Variants in SLX9 observed in about 807,000 individuals in gnomAD.
The protein encoded by SLX9 is SLX9 ribosome biogenesis factor, also known as ribosome biogenesis protein SLX9 homolog.
In SLX9, 19 loss-of-function variants were observed where a neutral mutation model predicts 20.8. The ratio of observed to expected loss-of-function variants is 0.91; its 90% CI spans 0.64 to 1.34. The LOEUF (loss-of-function observed/expected upper bound fraction) is 1.34, where lower values mean the gene tolerates loss of function less well. SLX9 is among the 40% of genes most tolerant of loss of function. The pLI is 0.00. For missense variants in SLX9, 299 were observed against 322.2 expected, an observed-to-expected ratio of 0.93 and a Z score of 0.55; for synonymous variants, 113 against 137.1, an observed-to-expected ratio of 0.82 and a Z score of 1.23.
intron 2 of SLX9, among the ~76,000 whole-genome samples, chr21:44,948,423 G>A (rs576162991): frequency 3.1e-4 from 47 of 152,018 alleles, no homozygotes; most frequent in African/African-American, 1.1e-3. Context: ...GGAGCACCGG[G>A]CGTCTGGGGA....
At chr21:44,971,873 A>C (rs2085156750) in intron 4 of SLX9, among the ~76,000 whole-genome samples, 1 of 152,174 alleles carries the variant, frequency 6.6e-6, no homozygotes. Flanking sequence ...AGATGTCGTC[A>C]GCCCCGGCAG....
At position 44,967,222 on chromosome 21, in the gene SLX9, C is replaced by G. The variant is rs1441748115; in HGVS notation, c.500+41C>G. The G allele has an allele frequency of 3.3e-6, 5 of 1,532,644 alleles. No homozygotes were observed. The Admixed American group carries it at 1.0e-4, about 32-fold the overall frequency. The allele number at this position is 1,532,644 out of a possible 1,614,324, so 94.9% of individuals were successfully genotyped here. A position where few individuals can be genotyped will look rare whatever the true frequency, so the allele number is the denominator to read the frequency against. ...GGGTGGCCCTTTCCGAGCTGTGGGG[C>G]TGACCCGGGTCCAGAGGTGGAGGGA... On this transcript the variant is annotated intron_variant, in intron 4 of 5. Coordinates refer to ENST00000291634, the MANE Select transcript of SLX9 (RefSeq NM_058190.4).
intron 4 of SLX9, among the ~76,000 whole-genome samples, chr21:44,972,591 G>A (rs991778414): frequency 2.0e-5 from 3 of 152,210 alleles, no homozygotes; most frequent in Non-Finnish European, 2.9e-5. Flanking sequence ...CAGGATCTAC[G>A]GTGGGTCCAC....
chr21:44,950,595 A>C (rs2084738631), intron 2 of SLX9, among the ~76,000 whole-genome samples: 1 of 152,194 alleles, frequency 6.6e-6, no homozygotes, highest in Non-Finnish European at 1.5e-5. Flanking sequence ...TGTTGTTGAG[A>C]CGCTAGACCA....
chr21:44,959,410 GTGCCCTCTCCACC>G (rs1359303802), intron 2 of SLX9, among the ~76,000 whole-genome samples: 1 of 152,174 alleles, frequency 6.6e-6, no homozygotes. Context: ...GCAGCACCCA[GTGCCCTCTCCACC>G]TGTCCCCACC....
At chr21:44,971,080 A>G (rs796718875) in intron 4 of SLX9, among the ~76,000 whole-genome samples, 3 of 32,446 alleles carry the variant, frequency 9.2e-5, no homozygotes, top group African/African-American at 2.1e-4. Flanking sequence ...CTGGACCTCC[A>G]CCTCCTGTGT....
At chr21:44,951,676 C>T (rs1050580542) in intron 2 of SLX9, among the ~76,000 whole-genome samples, 33 of 152,160 alleles carry the variant, frequency 2.2e-4, no homozygotes, top group Non-Finnish European at 3.5e-4. Context: ...CGGAGCCGCC[C>T]GAGCGCGCTG....
intron 3 of SLX9, among the ~76,000 whole-genome samples, chr21:44,961,400 G>A (rs1335309436): frequency 1.3e-5 from 2 of 152,170 alleles, no homozygotes; most frequent in Non-Finnish European, 2.9e-5. Context: ...GCAATATAGC[G>A]AGACCTTGTC....
chr21:44,965,175 G>A (rs534114844), intron 3 of SLX9, among the ~76,000 whole-genome samples: 6 of 152,318 alleles, frequency 3.9e-5, no homozygotes, highest in South Asian at 2.1e-4. Flanking sequence ...TAAAAATCCC[G>A]TTGAAATTTT....
At chr21:44,954,942 G>A (rs62214497) in intron 2 of SLX9, among the ~76,000 whole-genome samples, 3,977 of 152,232 alleles carry the variant, frequency 0.026, 95 homozygotes, top group Non-Finnish European at 0.043. Context: ...GGCCGGGGAC[G>A]GTGGCTCACA....
Position 44,940,152 on chromosome 21 carries a change from A to G in SLX9, c.95A>G (p.Glu32Gly). The G allele has an allele frequency of 1.5e-6, 2 of 1,301,064 alleles. No individual in the cohort carries two copies. The highest frequency in any genetic ancestry group is 2.0e-6 in the Non-Finnish European group (2 of 1,020,508). The allele number at this position is 1,301,064 out of a possible 1,614,324, so 80.6% of individuals were successfully genotyped here. ...AAPGPAPPAP[E>G]ATPPPASAAG... ...CCCGGCCCCGCGCCCCCTGCCCCGG[A>G]GGCGACCCCTCCGCCGGCCTCGGCC... is the stretch of plus-strand genomic sequence containing the variant. Residue 32 changes from glutamate (E) to glycine (G), a missense_variant, in exon 1 of 6, where the codon GAG becomes GGG. Coordinates refer to ENST00000291634, the MANE Select transcript of SLX9 (RefSeq NM_058190.4).
At chr21:44,973,072 C>T in intron 4 of SLX9, 125 bp from the exon 5 acceptor site, 2 of 987,486 alleles carry the variant, frequency 2.0e-6, no homozygotes, top group Non-Finnish European at 3.1e-6. Context: ...TGTGGTTCTG[C>T]AGTGGTTTGG....
At chr21:44,971,179 G>C (rs1318832578) in intron 4 of SLX9, among the ~76,000 whole-genome samples, 4 of 152,268 alleles carry the variant, frequency 2.6e-5, no homozygotes, top group African/African-American at 7.2e-5. Flanking sequence ...GTCGGGAGGG[G>C]AGTGGTGGTG....
chr21:44,976,116 GCT>G (rs536353161), intron 5 of SLX9, among the ~76,000 whole-genome samples: 1 of 152,384 alleles, frequency 6.6e-6, no homozygotes, highest in African/African-American at 2.4e-5. Flanking sequence ...CCACAGGGCA[GCT>G]CTCTGGCGTG....
chr21:44,976,534 G>A, intron 5 of SLX9, 146 bp from the exon 6 acceptor site: 2 of 1,292,028 alleles, frequency 1.5e-6, no homozygotes, highest in Non-Finnish European at 1.0e-6. Flanking sequence ...CTCCCCTCCT[G>A]CCGGAAGTTT....
At chr21:44,956,897 C>T (rs1452015367) in intron 2 of SLX9, among the ~76,000 whole-genome samples, 1 of 152,172 alleles carries the variant, frequency 6.6e-6, no homozygotes, top group Non-Finnish European at 1.5e-5. Context: ...CGTCTGTTCC[C>T]GGGGCCCCTT....
rs550430826 is a variant in SLX9, at chr21:44,973,864, G to A, written c.569+599G>A. ...CAGTGCAGTCAGGTCCTGTGGCCCT[G>A]GGTCAAGTCCCGCCTCCCAGGAAGG... On this transcript the variant is annotated intron_variant, in intron 5 of 5. Coordinates refer to ENST00000291634, the MANE Select transcript of SLX9 (RefSeq NM_058190.4). Among the ~76,000 whole-genome samples the A allele has an allele frequency of 9.1e-4, 139 of 152,316 alleles. 1 individual carries two copies. In the South Asian group the frequency reaches 0.029, roughly 32 times the overall value.
intron 4 of SLX9, among the ~76,000 whole-genome samples, chr21:44,970,921 C>T (rs1020228982): frequency 1.3e-5 from 2 of 152,242 alleles, no homozygotes; most frequent in African/African-American, 2.4e-5. Flanking sequence ...CCTGTCCTGG[C>T]GCCCTGCCCT....
rs1254096136 is a variant in SLX9, at chr21:44,976,791, C to T, written c.681C>T (p.Gly227=). 3.0e-5 allele frequency: 46 copies of T among 1,544,724 alleles called. No individual in the cohort carries two copies. The highest frequency in any genetic ancestry group is 9.7e-5 in the East Asian group (4 of 41,102). The change falls in exon 6 of 6, where the codon GGC becomes GGT. Residue 227 remains glycine, a synonymous_variant. Transcript: ENST00000291634. ...TLARQMQLED[G]GQL The stretch of plus-strand genomic sequence containing the variant: ...CCCGGCAGATGCAGCTGGAAGATGG[C>T]GGCCAGCTCTGACCAGGGCAGCGGG...
Sources: allele counts gnomAD v4.1 joint callset (sites outside exome capture counted in the v4.1 genomes callset), GRCh38; gene constraint gnomAD v4.1.1; transcripts MANE v1.5; gene names NCBI Gene and HGNC (gene_info 2026-07-23, HGNC 2026-07-21).